MTUS2: variants seen among roughly 807,000 people sequenced by gnomAD.
MTUS2 encodes the protein microtubule associated scaffold protein 2.
Under a neutral mutation model 114.1 loss-of-function variants are expected in MTUS2, and 40 were observed. The ratio of observed to expected loss-of-function variants is 0.35; its 90% confidence interval spans 0.27 to 0.46. The LOEUF (loss-of-function observed/expected upper bound fraction) is 0.46. MTUS2 is among the 20% of genes least tolerant of loss of function. MTUS2 has a pLI of 1.00. For missense variants in MTUS2, 1,679 were observed against 1,705.4 expected (o/e 0.98, Z 0.27); for synonymous variants, 688 against 672.0 (o/e 1.02, Z -0.37).
chr13:29,163,651 C>A (rs977026905), intron 5 of MTUS2, among the ~76,000 whole-genome samples: 18 of 152,108 alleles, frequency 1.2e-4, no homozygotes, highest in African/African-American at 3.9e-4. Flanking sequence ...GGACCCCCTA[C>A]AGTTTGACTT....
rs757473949 is a variant in MTUS2 at position 29,024,902 on chromosome 13, A to G, written c.204A>G (p.Pro68=). 27 of 1,613,846 alleles carry G rather than the reference A, an allele frequency of 1.7e-5. No homozygotes were observed. The Admixed American group carries it at 2.5e-4, about 15-fold the overall frequency. Residue 68 remains proline, a synonymous_variant, in exon 3 of 16, where the codon CCA becomes CCG. Coordinates refer to ENST00000612955, the MANE Select transcript of MTUS2 (RefSeq NM_001033602.4). ...TTGGAAATACAAATTCAAGTGAGCC[A>G]GAAAACCGTACCCATTTCCATAAGG... ...DEIGNTNSSE[P]ENRTHFHKEF... is the part of the protein sequence containing the mutation.
intron 2 of MTUS2, among the ~76,000 whole-genome samples, chr13:29,023,814 A>AT (rs1385430747): frequency 6.6e-6 from 1 of 152,222 alleles, no homozygotes; most frequent in Non-Finnish European, 1.5e-5. Flanking sequence ...CTGGTTGAAC[A>AT]TTAACTACTG....
At chr13:29,432,914 A>G (rs1313942231) in intron 8 of MTUS2, among the ~76,000 whole-genome samples, 1 of 152,212 alleles carries the variant, frequency 6.6e-6, no homozygotes, top group African/African-American at 2.4e-5. Flanking sequence ...CCTCCCAGGT[A>G]TGTGTATGTG....
intron 5 of MTUS2, among the ~76,000 whole-genome samples, chr13:29,105,774 G>A (rs1029588932): frequency 2.0e-5 from 3 of 149,878 alleles, no homozygotes; most frequent in Non-Finnish European, 4.4e-5. Flanking sequence ...GTATGTTTTC[G>A]GAGCCTGAAA....
intron 2 of MTUS2, among the ~76,000 whole-genome samples, chr13:28,857,801 C>T (rs139370663): frequency 2.6e-5 from 4 of 152,270 alleles, no homozygotes; most frequent in Non-Finnish European, 4.4e-5. Flanking sequence ...TCTTACCTTA[C>T]GGGTTCACTT....
intron 2 of MTUS2, among the ~76,000 whole-genome samples, chr13:28,852,434 A>G (rs1309049600): frequency 6.6e-6 from 1 of 152,138 alleles, no homozygotes; most frequent in African/African-American, 2.4e-5. Context: ...ACTAATACAG[A>G]CATGGTGGGA....
At chr13:28,822,335 A>AAAGCCAAAATCCAGGAGG (rs1182529728) in intron 1 of MTUS2, among the ~76,000 whole-genome samples, 3 of 152,182 alleles carry the variant, frequency 2.0e-5, no homozygotes, top group African/African-American at 7.2e-5. Context: ...CTAGACTGTT[A>AAAGCCAAAATCCAGGAGG]AAGCCAAAAT....
chr13:29,083,507 A>G lies in MTUS2; in HGVS notation c.2447-17266A>G, dbSNP rs114909159. 3.5e-3 allele frequency among the ~76,000 whole-genome samples: 536 copies of G among 152,362 alleles called. 2 individuals are homozygous for G. The highest frequency in any genetic ancestry group is 0.012 in the African/African-American group (519 of 41,590). On this transcript the variant is annotated intron_variant, in intron 4 of 15. Coordinates refer to ENST00000612955, the MANE Select transcript of MTUS2 (RefSeq NM_001033602.4). The stretch of plus-strand genomic sequence containing the variant: ...TTGAAGTGGGAGCTGAATGGAACAT[A>G]TTAGCCAAATCTATAATAGCAAAAT...
At chr13:28,924,739 T>C (rs916767831) in intron 2 of MTUS2, among the ~76,000 whole-genome samples, 13 of 152,234 alleles carry the variant, frequency 8.5e-5, no homozygotes, top group Non-Finnish European at 1.8e-4. Context: ...CTTGAAGCAG[T>C]GCCCAAGACC....
intron 6 of MTUS2, among the ~76,000 whole-genome samples, chr13:29,287,924 G>A (rs1301383868): frequency 1.3e-5 from 2 of 152,190 alleles, no homozygotes; most frequent in Admixed American, 6.5e-5. Flanking sequence ...TTATTAAAAC[G>A]TTGACCGATG....
chr13:29,256,995 G>A (rs1279468003), intron 5 of MTUS2, among the ~76,000 whole-genome samples: 2 of 152,130 alleles, frequency 1.3e-5, no homozygotes, highest in African/African-American at 4.8e-5. Flanking sequence ...AAAATAAAAG[G>A]TGGACCTCGG....
chr13:29,435,010 G>T lies in MTUS2; in HGVS notation c.3118-4973G>T, dbSNP rs11618681. 4.0e-3 allele frequency among the ~76,000 whole-genome samples: 609 copies of T among 152,334 alleles called. 3 individuals are homozygous for T. Among genetic ancestry groups the T allele is most frequent in the Middle Eastern group, 0.01 (3 of 294 alleles). On this transcript the variant is annotated intron_variant, in intron 8 of 15. Transcript: ENST00000612955. ...GGCAAGATGTACAGGGAGTGAGTTGGATGTTTCATAGGAGTAGCTTGTCTT... is the reference window on the plus strand; with the variant it reads ...GGCAAGATGTACAGGGAGTGAGTTGTATGTTTCATAGGAGTAGCTTGTCTT...
intron 2 of MTUS2, among the ~76,000 whole-genome samples, chr13:29,012,401 T>G (rs1885885131): frequency 6.6e-6 from 1 of 152,134 alleles, no homozygotes; most frequent in Non-Finnish European, 1.5e-5. Flanking sequence ...CAGTCCAGCG[T>G]GTCCACATTG....
intron 9 of MTUS2, among the ~76,000 whole-genome samples, chr13:29,440,298 A>G (rs776230094): frequency 1.2e-4 from 18 of 152,146 alleles, no homozygotes; most frequent in South Asian, 2.1e-4. Context: ...TGACTGTGCT[A>G]TTTGCAGATG....
intron 4 of MTUS2, among the ~76,000 whole-genome samples, chr13:29,094,932 C>A (rs1282877661): frequency 6.6e-6 from 1 of 151,724 alleles, no homozygotes. Context: ...TATCTTTGAC[C>A]CAGTGGTTAT....
intron 8 of MTUS2, among the ~76,000 whole-genome samples, chr13:29,425,225 C>T (rs1876420817): frequency 6.6e-6 from 1 of 152,016 alleles, no homozygotes; most frequent in Non-Finnish European, 1.5e-5. Flanking sequence ...ACCAGCCTGG[C>T]CAACATGGTG....
At chr13:29,391,945 G>A (rs952449509) in intron 8 of MTUS2, among the ~76,000 whole-genome samples, 1 of 151,664 alleles carries the variant, frequency 6.6e-6, no homozygotes, top group African/African-American at 2.4e-5. Context: ...GACCAGCCTG[G>A]CCAACATGGT....
At chr13:28,853,947 C>T (rs1050758219) in intron 2 of MTUS2, among the ~76,000 whole-genome samples, 1 of 152,182 alleles carries the variant, frequency 6.6e-6, no homozygotes, top group African/African-American at 2.4e-5. Context: ...ATAGTAGTTA[C>T]TGGTCAGAAT....
At chr13:28,857,184 G>T (rs1284287726) in intron 2 of MTUS2, among the ~76,000 whole-genome samples, 1 of 152,176 alleles carries the variant, frequency 6.6e-6, no homozygotes, top group East Asian at 1.9e-4. Flanking sequence ...GTATAGAATG[G>T]GTGGCTTCTT....
Sources: gnomAD v4.1 joint callset for allele counts (sites outside exome capture counted in the v4.1 genomes callset) on GRCh38, gnomAD v4.1.1 for gene constraint, MANE v1.5 for transcripts, NCBI Gene and HGNC (gene_info 2026-07-23, HGNC 2026-07-21) for gene names.